Variants in BABAM1 observed in about 807,000 individuals in gnomAD.
The protein encoded by BABAM1 is BRISC and BRCA1-A complex member 1.
Under a neutral mutation model 34.4 loss-of-function variants are expected in BABAM1, and 14 were observed. The ratio of observed to expected loss-of-function variants is 0.41; its 90% CI spans 0.27 to 0.64. BABAM1 has a LOEUF of 0.64. BABAM1 is among the 30% of genes least tolerant of loss of function. BABAM1 has a pLI of 0.34. For missense variants in BABAM1, 393 were observed against 434.0 expected, an observed-to-expected ratio of 0.91 and a Z score of 0.84; for synonymous variants, 169 against 165.8, an observed-to-expected ratio of 1.02 and a Z score of -0.15.
rs776754732 is a variant in BABAM1 at position 17,278,840 on chromosome 19, G to A, written c.787-5G>A. ...GCCCTTCACTGACCCCCGCCTCCCCGGCAGGATATGTTTGCCTTCATGGGC... is the reference window on the plus strand; with the variant it reads ...GCCCTTCACTGACCCCCGCCTCCCCAGCAGGATATGTTTGCCTTCATGGGC... On this transcript the variant is annotated splice_region_variant and splice_polypyrimidine_tract_variant and intron_variant, in intron 8 of 8. Coordinates refer to ENST00000598188, the MANE Select transcript of BABAM1 (RefSeq NM_014173.4). 1.7e-5 allele frequency: 28 copies of A among 1,610,464 alleles called. No homozygotes were observed. Among genetic ancestry groups the A allele is most frequent in the African/African-American group, 1.6e-4 (12 of 74,866 alleles).
chr19:17,273,567 T>TTGTTTTTG (rs2073870661), intron 3 of BABAM1, among the ~76,000 whole-genome samples: 1 of 106,156 alleles, frequency 9.4e-6, no homozygotes, highest in Admixed American at 8.6e-5. Flanking sequence ...TTGTTTTGTT[T>TTGTTTTTG]TTTTTTTTTT....
chr19:17,274,165 C>T lies in BABAM1; in HGVS notation c.524C>T (p.Thr175Met), dbSNP rs765161255. The T allele has an allele frequency of 1.2e-4, 200 of 1,613,178 alleles. No homozygotes were observed. Among genetic ancestry groups the T allele is most frequent in the Non-Finnish European group, 1.6e-4 (190 of 1,179,882 alleles). Residue 175 changes from threonine (T) to methionine (M), a missense_variant, in exon 5 of 9, where the codon ACG (threonine) becomes ATG (methionine). By Grantham distance (81) the Thr-to-Met change is moderately conservative. Coordinates refer to ENST00000598188, the MANE Select transcript of BABAM1 (RefSeq NM_014173.4). Reference sequence around the variant, plus strand: ...TGTAGCTGCCTCTATGATCTGGAGACGGCCTCCTGTTCCACCTTCAGTATC... The same window carrying T: ...TGTAGCTGCCTCTATGATCTGGAGATGGCCTCCTGTTCCACCTTCAGTATC... ...ELCSCLYDLE[T>M]ASCSTFNLEG... is the part of the protein sequence containing the mutation.
rs2073929777 is a variant in BABAM1, at chr19:17,277,910, C to T, written c.787-935C>T. Among the ~76,000 whole-genome samples, 5 of 151,112 alleles carry T rather than the reference C, an allele frequency of 3.3e-5. No individual in the cohort carries two copies. In the South Asian group the frequency reaches 1.0e-3, roughly 32 times the overall value. ...ATAAAAATACGGCCAGGTGTGGTGG[C>T]TCACACCTGTAATCCCAGCACTTTG... On this transcript the variant is annotated intron_variant, in intron 8 of 8. Transcript: ENST00000598188.
At chr19:17,278,794 G>A in intron 8 of BABAM1, 51 bp from the exon 9 acceptor site, 1 of 1,535,078 alleles carries the variant, frequency 6.5e-7, no homozygotes, top group Non-Finnish European at 8.9e-7. Context: ...AGGGCCTGTT[G>A]GGGTAACCTC....
intron 3 of BABAM1, among the ~76,000 whole-genome samples, chr19:17,272,417 T>G (rs550647831): frequency 1.3e-5 from 2 of 151,414 alleles, no homozygotes; most frequent in South Asian, 4.2e-4. Flanking sequence ...TTTTTTGTTT[T>G]TTTTTTGAGA....
rs1489719658 is a variant in BABAM1, at chr19:17,276,932, A to AGTAGCAGGCGGGTGTGG, written c.786+24_786+40dup. The AGTAGCAGGCGGGTGTGG allele has an allele frequency of 3.2e-6, 5 of 1,570,186 alleles. No homozygotes were observed. In the South Asian group the frequency reaches 5.8e-5, roughly 18 times the overall value. ...AAGGTGAGAGGCTGCAGCAGGTGTGAGTAGCAGGCGGGTGTGGACAGGATG... is the reference window on the plus strand; with the variant it reads ...AAGGTGAGAGGCTGCAGCAGGTGTGAGTAGCAGGCGGGTGTGGGTAGCAGGCGGGTGTGGACAGGATG... On this transcript the variant is annotated intron_variant, in intron 8 of 8. Transcript: ENST00000598188.
chr19:17,275,943 C>A, intron 6 of BABAM1, 118 bp downstream of exon 6: 2 of 1,179,362 alleles, frequency 1.7e-6, no homozygotes, highest in Non-Finnish European at 1.2e-6. Flanking sequence ...CCCTTCCTAC[C>A]TCGCCCCGAG....
chr19:17,271,489 G>A, intron 2 of BABAM1, 108 bp from the exon 3 acceptor site: 2 of 1,249,430 alleles, frequency 1.6e-6, no homozygotes, highest in Middle Eastern at 1.9e-4. Context: ...AGGATTAGAG[G>A]TCACCATACT....
At chr19:17,277,009 C>T (rs1462972226) in intron 8 of BABAM1, 100 bp downstream of exon 8, 2 of 1,129,916 alleles carry the variant, frequency 1.8e-6, no homozygotes, top group Non-Finnish European at 1.3e-6. Context: ...CATTTGATAC[C>T]CCTGGAACCC....
rs529889239 is a variant in BABAM1, at chr19:17,279,127, G to C, written c.*79G>C. ...CTTGGTTCTCAAACTGGGTTCCTTG[G>C]GACCTCCGGGGTGGGGGGGTTCCAG... On this transcript the variant is annotated 3_prime_UTR_variant, in exon 9 of 9. Transcript: ENST00000598188. The C allele has an allele frequency of 1.1e-4, 166 of 1,457,910 alleles. No individual in the cohort carries two copies. In the African/African-American group the frequency reaches 2.0e-3, roughly 18 times the overall value. 90.3% of individuals were successfully genotyped at this position (1,457,910 alleles called of 1,614,324 possible).
chr19:17,275,133 G>A (rs2073893287), intron 5 of BABAM1, among the ~76,000 whole-genome samples: 1 of 151,710 alleles, frequency 6.6e-6, no homozygotes, highest in Non-Finnish European at 1.5e-5. Flanking sequence ...TTGAATTCCT[G>A]GGCTCAAGTG....
At chr19:17,269,930 T>C (rs1418037435) in intron 2 of BABAM1, among the ~76,000 whole-genome samples, 11 of 133,396 alleles carry the variant, frequency 8.2e-5, no homozygotes, top group African/African-American at 3.5e-4. Context: ...TCTTTCTTTC[T>C]TTTTTTTTTT....
At chr19:17,271,934 T>C (rs913476975) in intron 3 of BABAM1, among the ~76,000 whole-genome samples, 3 of 152,060 alleles carry the variant, frequency 2.0e-5, no homozygotes, top group Non-Finnish European at 2.9e-5. Flanking sequence ...TGTATGTGTA[T>C]GTATGTATGT....
chr19:17,274,185 A>G lies in BABAM1; in HGVS notation c.544A>G (p.Asn182Asp). The change falls in exon 5 of 9, where the codon AAT (asparagine) becomes GAT (aspartate). Residue 182 changes from asparagine to aspartate, a missense_variant and splice_region_variant. Transcript: ENST00000598188. ...GGAGACGGCCTCCTGTTCCACCTTC[A>G]GTATCCTTCCTGGCAGAGATGTCCC... Reference protein sequence around the residue: ...DLETASCSTFNLEGLFSLIQQ... With the variant: ...DLETASCSTFDLEGLFSLIQQ... The G allele has an allele frequency of 6.2e-7, 1 of 1,612,624 alleles. No individual in the cohort carries two copies. The highest frequency in any genetic ancestry group is 8.5e-7 in the Non-Finnish European group (1 of 1,179,788).
intron 4 of BABAM1, 32 bp downstream of exon 4, chr19:17,274,056 G>A: frequency 6.2e-7 from 1 of 1,613,738 alleles, no homozygotes. Context: ...GGTGCCCTGG[G>A]GTCCCCTGGG....
chr19:17,272,429 G>A (rs1013507874), intron 3 of BABAM1, among the ~76,000 whole-genome samples: 66 of 149,128 alleles, frequency 4.4e-4, no homozygotes, highest in Non-Finnish European at 6.4e-4. Flanking sequence ...TTTTTGAGAC[G>A]GAGTCTCGCT....
At chr19:17,268,177 A>G (rs1465138722) in intron 1 of BABAM1, among the ~76,000 whole-genome samples, 14 of 151,632 alleles carry the variant, frequency 9.2e-5, no homozygotes, top group Non-Finnish European at 1.5e-4. Context: ...TCATGTGCCC[A>G]TCCCTGAGCC....
chr19:17,267,870 C>T (rs945209239), intron 1 of BABAM1, among the ~76,000 whole-genome samples: 22 of 152,150 alleles, frequency 1.4e-4, no homozygotes, highest in Non-Finnish European at 3.2e-4. Flanking sequence ...GGTTATTATT[C>T]CCTTATTCAC....
chr19:17,279,140 G>A lies in BABAM1; in HGVS notation c.*92G>A. On this transcript the variant is annotated 3_prime_UTR_variant, in exon 9 of 9. Coordinates refer to ENST00000598188, the MANE Select transcript of BABAM1 (RefSeq NM_014173.4). ...CTGGGTTCCTTGGGACCTCCGGGGT[G>A]GGGGGGTTCCAGGAGGCACGTAGGG... 7.2e-7 allele frequency: 1 copy of A among 1,382,650 alleles called. No homozygotes were observed. Among genetic ancestry groups the A allele is most frequent in the Non-Finnish European group, 9.8e-7 (1 of 1,016,818 alleles). 85.6% of individuals were successfully genotyped at this position (1,382,650 alleles called of 1,614,324 possible).
Sources: allele counts gnomAD v4.1 joint callset (sites outside exome capture counted in the v4.1 genomes callset), GRCh38; gene constraint gnomAD v4.1.1; transcripts MANE v1.5; gene names NCBI Gene and HGNC (gene_info 2026-07-23, HGNC 2026-07-21).